PCDHGB7: variants seen among roughly 807,000 people sequenced by gnomAD.
PCDHGB7 encodes the protein protocadherin gamma-B7.
In PCDHGB7, 37 loss-of-function variants were observed where a neutral mutation model predicts 61.4. The ratio of observed to expected loss-of-function variants is 0.60; its 90% CI spans 0.46 to 0.79. The LOEUF (loss-of-function observed/expected upper bound fraction) is 0.79. Among genes scored for constraint, PCDHGB7 ranks in the 30% least tolerant of loss-of-function variants. The probability of loss-of-function intolerance (pLI) is 0.00; values close to 1 mark genes in which losing one functional copy is unlikely to be tolerated. For synonymous variants in PCDHGB7, 464 were observed against 503.5 expected, an observed-to-expected ratio of 0.92 and a Z score of 1.05; for missense variants, 1,166 against 1,202.5, an observed-to-expected ratio of 0.97 and a Z score of 0.45.
chr5:141,450,678 G>C (rs1038323301), intron 1 of PCDHGB7, among the ~76,000 whole-genome samples: 1 of 151,854 alleles, frequency 6.6e-6, no homozygotes, highest in Non-Finnish European at 1.5e-5. Context: ...GTAGAAACGG[G>C]GTTTTGCCAT....
chr5:141,451,148 G>A (rs536843411), intron 1 of PCDHGB7, among the ~76,000 whole-genome samples: 2 of 152,154 alleles, frequency 1.3e-5, no homozygotes, highest in East Asian at 3.9e-4. Flanking sequence ...ATTTAGACTA[G>A]ACATTTTTTT....
In PCDHGB7 at chr5:141,491,365, T is replaced by A. The variant is rs201011046; in HGVS notation, c.2416-3442T>A. ...CGTCAGTCTCTTATCCCTAGTCACC[T>A]TCACCTTTCTGTCAGCGAAGTGCCT... On this transcript the variant is annotated intron_variant, in intron 1 of 3. Transcript: ENST00000398594. This position sits in a 1 kb window ranked among gnomAD's most constrained non-coding sequence, Gnocchi z 6.9. 1.7e-5 allele frequency: 27 copies of A among 1,614,016 alleles called. No individual in the cohort carries two copies. The highest frequency in any genetic ancestry group is 2.0e-5 in the Non-Finnish European group (24 of 1,179,982).
At chr5:141,464,415 C>A (rs1185416197) in intron 1 of PCDHGB7, among the ~76,000 whole-genome samples, 2 of 150,854 alleles carry the variant, frequency 1.3e-5, no homozygotes, top group Admixed American at 6.6e-5. Context: ...ATATATATAT[C>A]TATATATATA....
chr5:141,427,568 T>A (rs1260622772), intron 1 of PCDHGB7: 1 of 660,576 alleles, frequency 1.5e-6, no homozygotes, highest in Admixed American at 2.1e-5. Flanking sequence ...AGGGCAAGCC[T>A]CCGCTCTCAT....
At chr5:141,499,025 GAAGA>G (rs1309889371) in intron 2 of PCDHGB7, among the ~76,000 whole-genome samples, 11 of 140,712 alleles carry the variant, frequency 7.8e-5, no homozygotes, top group African/African-American at 2.6e-4. Flanking sequence ...AGGAAGGAAG[GAAGA>G]AAAGAAAGAA....
In PCDHGB7 at chr5:141,481,399, T is replaced by G. The variant is rs35677249; in HGVS notation, c.2416-13408T>G. 1.9e-3 allele frequency among the ~76,000 whole-genome samples: 284 copies of G among 152,356 alleles called. 1 individual carries two copies. Among genetic ancestry groups the G allele is most frequent in the Middle Eastern group, 0.01 (3 of 294 alleles). ...TTCTTTTTGGAGGGATGTGACAAAA[T>G]TCTTGTATAATTAGATTGTGATGAT... is the stretch of plus-strand genomic sequence containing the variant. On this transcript the variant is annotated intron_variant, in intron 1 of 3. Transcript: ENST00000398594.
At chr5:141,433,640 A>C (rs2097637476) in intron 1 of PCDHGB7, among the ~76,000 whole-genome samples, 2 of 152,138 alleles carry the variant, frequency 1.3e-5, no homozygotes, top group South Asian at 2.1e-4. Flanking sequence ...GTTTGAGACC[A>C]GCCTGACCAA....
In PCDHGB7 at chr5:141,487,260, C is replaced by T; in HGVS notation, c.2416-7547C>T. 6.2e-7 allele frequency: 1 copy of T among 1,614,116 alleles called. No homozygotes were observed. The highest frequency in any genetic ancestry group is 1.1e-5 in the South Asian group (1 of 91,080). On this transcript the variant is annotated intron_variant, in intron 1 of 3. Coordinates refer to ENST00000398594, the MANE Select transcript of PCDHGB7 (RefSeq NM_018927.4). The surrounding 1 kb of genome is among the most constrained non-coding windows in gnomAD (Gnocchi z 5.0). ...CGTCTAACCCTCTACTTGGCTGTGT[C>T]CCTAGTGGCAATTTGCTTTGTCTCC...
At chr5:141,473,919 A>G (rs2099331297) in intron 1 of PCDHGB7, among the ~76,000 whole-genome samples, 1 of 152,172 alleles carries the variant, frequency 6.6e-6, no homozygotes, top group African/African-American at 2.4e-5. Flanking sequence ...TAAGAAAACT[A>G]TGAGCTGGGT....
At chr5:141,467,564 G>A (rs926613546) in intron 1 of PCDHGB7, among the ~76,000 whole-genome samples, 5 of 152,152 alleles carry the variant, frequency 3.3e-5, no homozygotes, top group Admixed American at 3.3e-4. Flanking sequence ...TTCCCAAATG[G>A]CTATCCAGTT....
At chr5:141,494,363 T>C (rs1264801258) in intron 1 of PCDHGB7, among the ~76,000 whole-genome samples, 1 of 152,206 alleles carries the variant, frequency 6.6e-6, no homozygotes, top group Non-Finnish European at 1.5e-5. Context: ...CTGCAGAGGA[T>C]GCTTTGTTCC....
At position 141,494,838 on chromosome 5, in the gene PCDHGB7, C is replaced by T; in HGVS notation, c.2447C>T (p.Ser816Phe). 4.3e-6 allele frequency: 7 copies of T among 1,614,166 alleles called. No homozygotes were observed. Among genetic ancestry groups the T allele is most frequent in the Non-Finnish European group, 3.4e-6 (4 of 1,180,032 alleles). Residue 816 changes from serine (S) to phenylalanine (F), a missense_variant, in exon 2 of 4, where the codon TCT becomes TTT. By Grantham distance (155) the Ser-to-Phe change is radical. Transcript: ENST00000398594. ...CCGCCCAACACGGACTGGCGTTTCT[C>T]TCAGGCCCAGAGACCCGGCACCAGC... ...QAPPNTDWRF[S>F]QAQRPGTSGS...
intron 1 of PCDHGB7, chr5:141,433,201 CTTCT>C (rs759014851): frequency 3.9e-5 from 61 of 1,573,466 alleles, no homozygotes; most frequent in Admixed American, 1.2e-4. Flanking sequence ...TATATCAAAT[CTTCT>C]TTCTTTTTTT....
At chr5:141,433,215 T>A (rs755571112) in intron 1 of PCDHGB7, 1 of 1,568,720 alleles carries the variant, frequency 6.4e-7, no homozygotes, top group South Asian at 1.2e-5. Flanking sequence ...TTTCTTTTTT[T>A]TTTTTAATTG....
chr5:141,450,006 C>CTATTTTT lies in PCDHGB7; in HGVS notation c.2415+29733_2415+29734insATTTTTT, dbSNP rs70988802. On this transcript the variant is annotated intron_variant, in intron 1 of 3. Coordinates refer to ENST00000398594, the MANE Select transcript of PCDHGB7 (RefSeq NM_018927.4). ...CACATTGCATTTAGTTGCCATGTCTCTTTTTTTTTTTTTTTTTTGAGACAG... is the reference window on the plus strand; with the variant it reads ...CACATTGCATTTAGTTGCCATGTCTCTATTTTTTTTTTTTTTTTTTTTTTTGAGACAG... Among the ~76,000 whole-genome samples, 248 of 132,920 alleles carry CTATTTTT rather than the reference C, an allele frequency of 1.9e-3. 8 individuals carry two copies. Among genetic ancestry groups the CTATTTTT allele is most frequent in the African/African-American group, 4.3e-3 (154 of 35,586 alleles). 87.2% of individuals were successfully genotyped at this position (132,920 alleles called of 152,430 possible). A position where few individuals can be genotyped will look rare whatever the true frequency, so the allele number is the denominator to read the frequency against.
chr5:141,485,247 G>T lies in PCDHGB7; in HGVS notation c.2416-9560G>T. On this transcript the variant is annotated intron_variant, in intron 1 of 3. Coordinates refer to ENST00000398594, the MANE Select transcript of PCDHGB7 (RefSeq NM_018927.4). The surrounding 1 kb of genome is among the most constrained non-coding windows in gnomAD (Gnocchi z 5.7). ...CTTTTGTTCCTCTTTTACCACCTGG[G>T]TTACGTTTGTGGGCAGATCCGCTAC... The T allele has an allele frequency of 2.5e-6, 4 of 1,614,156 alleles. No individual in the cohort carries two copies. The highest frequency in any genetic ancestry group is 3.4e-6 in the Non-Finnish European group (4 of 1,180,010).
In PCDHGB7 at chr5:141,420,282, T is replaced by C. The variant is rs543435018; in HGVS notation, c.2415+8T>C. 2.1e-5 allele frequency: 31 copies of C among 1,510,188 alleles called. No homozygotes were observed. In the African/African-American group the frequency reaches 4.0e-4, roughly 20 times the overall value. 93.5% of individuals were successfully genotyped at this position (1,510,188 alleles called of 1,614,324 possible). On this transcript the variant is annotated splice_region_variant and intron_variant, in intron 1 of 3. Coordinates refer to ENST00000398594, the MANE Select transcript of PCDHGB7 (RefSeq NM_018927.4). ...AAGAAGATTCTTAAACAGGTAAGTA[T>C]TTAAAAATGTATTTAATCCTTTTTA...
At chr5:141,422,141 G>A (rs1441509284) in intron 1 of PCDHGB7, 9 of 1,583,068 alleles carry the variant, frequency 5.7e-6, no homozygotes, top group Middle Eastern at 1.7e-4. Context: ...GTTCAAGTAC[G>A]GGGGTCTCTG....
chr5:141,496,932 T>G (rs1336402833), intron 2 of PCDHGB7, among the ~76,000 whole-genome samples: 1 of 148,964 alleles, frequency 6.7e-6, no homozygotes, highest in Non-Finnish European at 1.5e-5. Context: ...ACGCCTGTAA[T>G]CCCAGCACTT....
Sources: gnomAD v4.1 joint callset for allele counts (sites outside exome capture counted in the v4.1 genomes callset) on GRCh38, gnomAD v4.1.1 for gene constraint, Gnocchi (gnomAD v3.1) non-coding constraint, MANE v1.5 for transcripts, NCBI Gene and HGNC (gene_info 2026-07-23, HGNC 2026-07-21) for gene names.